The following LRP1B variants were observed in gnomAD, a reference collection of about 807,000 sequenced individuals.
LRP1B encodes LDL receptor related protein 1B, also known as low-density lipoprotein receptor-related protein 1B.
In LRP1B, 217 loss-of-function variants were observed where a neutral mutation model predicts 556.6. The observed-to-expected ratio is 0.39, with a 90% CI of 0.35 to 0.44. The LOEUF is 0.44. LRP1B is among the 20% of genes least tolerant of loss of function. LRP1B has a pLI of 1.00. For missense variants in LRP1B, 5,053 were observed against 5,620.8 expected, an observed-to-expected ratio of 0.90 and a Z score of 3.23; for synonymous variants, 2,047 against 1,865.8, an observed-to-expected ratio of 1.10 and a Z score of -2.50.
At chr2:141,570,316 G>A (rs941849423) in intron 2 of LRP1B, among the ~76,000 whole-genome samples, 10 of 150,826 alleles carry the variant, frequency 6.6e-5, no homozygotes, top group South Asian at 4.2e-4. Flanking sequence ...AGAGCCACAC[G>A]GGGCAGGGGA....
chr2:140,494,744 T>TA (rs971372891), intron 56 of LRP1B, among the ~76,000 whole-genome samples: 3 of 152,040 alleles, frequency 2.0e-5, no homozygotes, highest in South Asian at 2.1e-4. Context: ...TTTAACCCAT[T>TA]AAAAAAACCC....
intron 3 of LRP1B, among the ~76,000 whole-genome samples, chr2:141,403,169 C>T (rs191626573): frequency 7.0e-4 from 106 of 152,212 alleles, no homozygotes; most frequent in African/African-American, 2.5e-3. Context: ...AAATAAGCTA[C>T]TGTCACCTAT....
chr2:141,865,630 C>G (rs1698390071), intron 1 of LRP1B, among the ~76,000 whole-genome samples: 1 of 146,020 alleles, frequency 6.8e-6, no homozygotes, highest in South Asian at 2.2e-4. Context: ...GAAAAAAAGA[C>G]AGAAATTTTG....
chr2:140,282,863 A>C lies in LRP1B; in HGVS notation c.12968-8265T>G, dbSNP rs563170046. Among the ~76,000 whole-genome samples the C allele has an allele frequency of 7.9e-5, 12 of 151,964 alleles. No homozygotes were observed. In the East Asian group the frequency reaches 2.3e-3, roughly 30 times the overall value. ...ACTTGTAGAAAACACCCAACCATCAAGGTGATCTATTCATTATCAGACATG... is the reference window on the plus strand; with the variant it reads ...ACTTGTAGAAAACACCCAACCATCACGGTGATCTATTCATTATCAGACATG... On this transcript the variant is annotated intron_variant, in intron 84 of 90. Coordinates refer to ENST00000389484, the MANE Select transcript of LRP1B (RefSeq NM_018557.3).
chr2:141,107,039 T>C (rs1700622028), intron 7 of LRP1B, among the ~76,000 whole-genome samples: 1 of 152,268 alleles, frequency 6.6e-6, no homozygotes, highest in South Asian at 2.1e-4. Flanking sequence ...AATATATATA[T>C]TCAGTGATTC....
At chr2:141,888,697 G>A (rs376480521) in intron 1 of LRP1B, among the ~76,000 whole-genome samples, 104 of 152,250 alleles carry the variant, frequency 6.8e-4, no homozygotes, top group African/African-American at 2.2e-3. Context: ...AAGGTGAGAC[G>A]AAAGCCTAAG....
chr2:141,266,761 C>G (rs548941214), intron 3 of LRP1B, among the ~76,000 whole-genome samples: 1 of 152,120 alleles, frequency 6.6e-6, no homozygotes, highest in Admixed American at 6.5e-5. Context: ...TTTTATTACA[C>G]AGATAATTAA....
At chr2:140,914,695 G>A (rs1183060772) in intron 21 of LRP1B, among the ~76,000 whole-genome samples, 3 of 152,086 alleles carry the variant, frequency 2.0e-5, no homozygotes, top group Admixed American at 1.3e-4. Flanking sequence ...TTAAATATGA[G>A]GGACAGGTAG....
At chr2:141,566,712 G>A (rs1168647197) in intron 2 of LRP1B, among the ~76,000 whole-genome samples, 1 of 152,028 alleles carries the variant, frequency 6.6e-6, no homozygotes, top group East Asian at 1.9e-4. Flanking sequence ...ATAAACTCCT[G>A]GATGGGTGCA....
intron 6 of LRP1B, among the ~76,000 whole-genome samples, chr2:141,212,443 TA>T (rs1415945283): frequency 6.8e-6 from 1 of 148,108 alleles, no homozygotes; most frequent in Non-Finnish European, 1.5e-5. Flanking sequence ...CACGCCCGGA[TA>T]ATTTTTTTTT....
intron 2 of LRP1B, among the ~76,000 whole-genome samples, chr2:141,543,353 C>CA (rs199540737): frequency 0.09 from 12,665 of 140,698 alleles, 592 homozygotes; most frequent in East Asian, 0.15. Flanking sequence ...ACAAAAAATA[C>CA]AAAAAAAAAA....
At chr2:141,346,791 T>A (rs957889940) in intron 3 of LRP1B, among the ~76,000 whole-genome samples, 7 of 152,150 alleles carry the variant, frequency 4.6e-5, no homozygotes, top group Non-Finnish European at 1.0e-4. Context: ...TTGGATTAAT[T>A]TCTTACATTT....
chr2:140,478,050 G>A (rs927843238), intron 59 of LRP1B, among the ~76,000 whole-genome samples: 5 of 151,588 alleles, frequency 3.3e-5, no homozygotes, highest in Non-Finnish European at 7.4e-5. Flanking sequence ...ATAGTTCTTT[G>A]GAAGAAAAAA....
chr2:141,412,157 A>G (rs1289013036), intron 3 of LRP1B, among the ~76,000 whole-genome samples: 2 of 152,190 alleles, frequency 1.3e-5, no homozygotes, highest in Non-Finnish European at 2.9e-5. Context: ...TTTGGCTAAC[A>G]GAGTTAAATA....
intron 6 of LRP1B, among the ~76,000 whole-genome samples, chr2:141,224,041 A>G (rs572062042): frequency 1.3e-5 from 2 of 152,326 alleles, no homozygotes; most frequent in South Asian, 4.1e-4. Context: ...ATGAGATCTA[A>G]TTAAACTAAA....
intron 3 of LRP1B, among the ~76,000 whole-genome samples, chr2:141,409,789 AATT>A (rs1690783403): frequency 6.6e-6 from 1 of 152,124 alleles, no homozygotes. Flanking sequence ...GGGGAGATGT[AATT>A]ATTAAATTGG....
chr2:140,314,954 A>G lies in LRP1B; in HGVS notation c.12786T>C (p.Thr4262=), dbSNP rs771900184. 4 of 1,607,172 alleles carry G rather than the reference A, an allele frequency of 2.5e-6. No individual in the cohort carries two copies. Among genetic ancestry groups the G allele is most frequent in the African/African-American group, 1.3e-5 (1 of 74,822 alleles). The change falls in exon 83 of 91, where the codon ACT becomes ACC. Residue 4262 remains threonine, a synonymous_variant. Transcript: ENST00000389484. ...HCSNYCQNGG[T]CVPSVLGRPT... Reference sequence around the variant, plus strand: ...ATTTACCTAGAACTGATGGTACGCAAGTTCCTCCATTCTGGCAGTAGTTGC... The same window carrying G: ...ATTTACCTAGAACTGATGGTACGCAGGTTCCTCCATTCTGGCAGTAGTTGC...
At position 142,038,337 on chromosome 2, in the gene LRP1B, A is replaced by G. The variant is rs78360139; in HGVS notation, c.82+92311T>C. 4.8e-3 allele frequency among the ~76,000 whole-genome samples: 723 copies of G among 151,700 alleles called. 6 individuals carry two copies. Among genetic ancestry groups the G allele is most frequent in the African/African-American group, 0.016 (661 of 41,474 alleles). On this transcript the variant is annotated intron_variant, in intron 1 of 90. Coordinates refer to ENST00000389484, the MANE Select transcript of LRP1B (RefSeq NM_018557.3). Reference sequence around the variant, plus strand: ...TTTAAATAATTCTGTATGAATTAGGACTAAAGATGCAACAAGAAACTTTAG... The same window carrying G: ...TTTAAATAATTCTGTATGAATTAGGGCTAAAGATGCAACAAGAAACTTTAG...
chr2:142,035,895 A>G (rs1179206393), intron 1 of LRP1B, among the ~76,000 whole-genome samples: 1 of 151,656 alleles, frequency 6.6e-6, no homozygotes, highest in African/African-American at 2.4e-5. Context: ...AGTCTTTTCC[A>G]TGCTATTCTC....
Sources: gnomAD v4.1 joint callset for allele counts (sites outside exome capture counted in the v4.1 genomes callset) on GRCh38, gnomAD v4.1.1 for gene constraint, MANE v1.5 for transcripts, NCBI Gene and HGNC (gene_info 2026-07-23, HGNC 2026-07-21) for gene names.